CWH43: variants seen among roughly 807,000 people sequenced by gnomAD.
CWH43 encodes the protein cell wall biogenesis 43 C-terminal homolog.
In CWH43, 91 loss-of-function variants were observed where a neutral mutation model predicts 85.7. That is an observed-to-expected ratio of 1.06 (90% CI 0.90 to 1.26). The LOEUF (loss-of-function observed/expected upper bound fraction) is 1.26. Among genes scored for constraint, CWH43 ranks in the 50% most tolerant of loss-of-function variants. The pLI is 0.00. For missense variants in CWH43, 869 were observed against 839.2 expected (o/e 1.04, Z -0.44); for synonymous variants, 323 against 293.6 (o/e 1.10, Z -1.02).
intron 14 of CWH43, among the ~76,000 whole-genome samples, chr4:49,048,515 G>T (rs770675539): frequency 6.6e-6 from 1 of 152,000 alleles, no homozygotes; most frequent in Admixed American, 6.6e-5. Context: ...TTTTCTTGCA[G>T]TTCTGTAGAT....
intron 15 of CWH43, among the ~76,000 whole-genome samples, chr4:49,060,830 CTT>C (rs898458939): frequency 9.2e-5 from 14 of 152,216 alleles, no homozygotes; most frequent in Non-Finnish European, 1.6e-4. Context: ...TGACACAACT[CTT>C]ATATATATCT....
intron 14 of CWH43, among the ~76,000 whole-genome samples, chr4:49,048,980 G>A (rs1243108822): frequency 1.3e-5 from 2 of 152,098 alleles, no homozygotes; most frequent in African/African-American, 2.4e-5. Flanking sequence ...ATACTTATTG[G>A]ACAACAATGG....
At chr4:49,007,406 C>G in intron 8 of CWH43, 80 bp downstream of exon 8, 1 of 1,341,926 alleles carries the variant, frequency 7.5e-7, no homozygotes, top group Non-Finnish European at 9.7e-7. Context: ...ATAATGATCC[C>G]TCATGTATCC....
intron 13 of CWH43, among the ~76,000 whole-genome samples, chr4:49,043,371 C>T (rs1784526926): frequency 6.6e-6 from 1 of 152,046 alleles, no homozygotes; most frequent in Non-Finnish European, 1.5e-5. Flanking sequence ...CCTAATAGGG[C>T]ATTCTTATAT....
At chr4:48,998,405 G>T in intron 5 of CWH43, 55 bp from the exon 6 acceptor site, 1 of 1,305,552 alleles carries the variant, frequency 7.7e-7, no homozygotes. Context: ...TTTTATATTC[G>T]GGATGATGAA....
intron 4 of CWH43, among the ~76,000 whole-genome samples, chr4:48,993,038 A>T (rs1782703211): frequency 6.6e-6 from 1 of 152,116 alleles, no homozygotes; most frequent in Admixed American, 6.5e-5. Context: ...AAAGATCTGA[A>T]CTTCAGGGTA....
intron 8 of CWH43, among the ~76,000 whole-genome samples, chr4:49,014,681 C>T (rs1382627959): frequency 6.6e-6 from 1 of 151,658 alleles, no homozygotes; most frequent in Non-Finnish European, 1.5e-5. Context: ...AGTTTATTTA[C>T]AGTTATTTAG....
At chr4:49,035,843 A>T (rs1208012686) in intron 12 of CWH43, among the ~76,000 whole-genome samples, 3 of 152,190 alleles carry the variant, frequency 2.0e-5, no homozygotes, top group African/African-American at 7.2e-5. Flanking sequence ...AATATATTGG[A>T]TTGAAAACAC....
At chr4:49,030,439 G>A (rs375480219) in intron 10 of CWH43, among the ~76,000 whole-genome samples, 2 of 152,162 alleles carry the variant, frequency 1.3e-5, no homozygotes, top group Non-Finnish European at 2.9e-5. Context: ...AATCAACTTA[G>A]TTCTGGGTCA....
chr4:49,004,755 T>A (rs1469302171), intron 7 of CWH43, among the ~76,000 whole-genome samples: 1 of 152,174 alleles, frequency 6.6e-6, no homozygotes, highest in Non-Finnish European at 1.5e-5. Context: ...ATGGTAAATC[T>A]CCAAGTCATA....
chr4:49,010,708 T>C (rs1198088353), intron 8 of CWH43, among the ~76,000 whole-genome samples: 1 of 152,226 alleles, frequency 6.6e-6, no homozygotes, highest in Non-Finnish European at 1.5e-5. Flanking sequence ...AGAACATCTT[T>C]ATTTCTGCCT....
intron 12 of CWH43, among the ~76,000 whole-genome samples, chr4:49,036,746 G>C (rs1375280847): frequency 6.6e-6 from 1 of 152,154 alleles, no homozygotes; most frequent in Non-Finnish European, 1.5e-5. Flanking sequence ...TTAGCCAATG[G>C]GAGGCACTAG....
rs964251805 is a variant in CWH43 at position 48,992,405 on chromosome 4, C to T, written c.511+315C>T. On this transcript the variant is annotated intron_variant, in intron 4 of 15. Transcript: ENST00000226432. The surrounding 1 kb of genome is among the most constrained non-coding windows in gnomAD (Gnocchi z 4.3). ...AGCTCTGTCTTCCTCCTTCTTTCCC[C>T]TGGTCAGAGCTCTCTAGGATGGGAT... 6.6e-6 allele frequency among the ~76,000 whole-genome samples: 1 copy of T among 152,194 alleles called. No individual in the cohort carries two copies. Among genetic ancestry groups the T allele is most frequent in the African/African-American group, 2.4e-5 (1 of 41,456 alleles).
intron 14 of CWH43, 104 bp downstream of exon 14, chr4:49,044,951 G>A (rs1370526563): frequency 2.3e-6 from 2 of 854,432 alleles, no homozygotes; most frequent in Non-Finnish European, 3.7e-6. Flanking sequence ...AATTTTTGTT[G>A]CTTTTTATAA....
At chr4:49,058,594 A>T (rs1431506968) in intron 15 of CWH43, among the ~76,000 whole-genome samples, 1 of 152,150 alleles carries the variant, frequency 6.6e-6, no homozygotes, top group African/African-American at 2.4e-5. Flanking sequence ...TCACATTTTT[A>T]ATGTCCTTTC....
intron 8 of CWH43, among the ~76,000 whole-genome samples, chr4:49,013,403 T>C (rs1309408468): frequency 6.6e-6 from 1 of 152,252 alleles, no homozygotes; most frequent in Non-Finnish European, 1.5e-5. Flanking sequence ...CTGTCATGGC[T>C]TGCCTTGGCT....
intron 7 of CWH43, among the ~76,000 whole-genome samples, chr4:49,005,605 G>A (rs1324593486): frequency 7.0e-6 from 1 of 143,528 alleles, no homozygotes; most frequent in Non-Finnish European, 1.5e-5. Context: ...TGTTCCTCCA[G>A]CTGGAGTGCA....
intron 10 of CWH43, among the ~76,000 whole-genome samples, chr4:49,030,171 G>T (rs1325957298): frequency 6.6e-6 from 1 of 152,188 alleles, no homozygotes; most frequent in Admixed American, 6.5e-5. Flanking sequence ...TTGTTTCAGT[G>T]CTCCGGGGTG....
chr4:49,004,184 T>C (rs561619870), intron 7 of CWH43, among the ~76,000 whole-genome samples, 192 bp downstream of exon 7: 1 of 152,230 alleles, frequency 6.6e-6, no homozygotes, highest in East Asian at 1.9e-4. Context: ...TCAAATGTAT[T>C]AATTTACCAG....
Sources: gnomAD v4.1 joint callset for allele counts (sites outside exome capture counted in the v4.1 genomes callset) on GRCh38, gnomAD v4.1.1 for gene constraint, Gnocchi (gnomAD v3.1) non-coding constraint, MANE v1.5 for transcripts, NCBI Gene and HGNC (gene_info 2026-07-23, HGNC 2026-07-21) for gene names.